The following CDV3 variants were observed in gnomAD, a reference collection of about 807,000 sequenced individuals.
CDV3 encodes the protein CDV3 homolog.
CDV3 carries 14 observed loss-of-function variants against 24.5 expected under a neutral mutation model. The ratio of observed to expected loss-of-function variants is 0.57; its 90% CI spans 0.38 to 0.89. The LOEUF (loss-of-function observed/expected upper bound fraction) is 0.89, where lower values mean the gene tolerates loss of function less well. Among genes scored for constraint, CDV3 ranks in the 40% least tolerant of loss-of-function variants. The probability of loss-of-function intolerance (pLI) is 0.00; values close to 1 mark genes in which losing one functional copy is unlikely to be tolerated. For missense variants in CDV3, 304 were observed against 310.2 expected, an observed-to-expected ratio of 0.98 and a Z score of 0.15; for synonymous variants, 114 against 114.1, an observed-to-expected ratio of 1.00 and a Z score of 0.00.
intron 2 of CDV3, among the ~76,000 whole-genome samples, chr3:133,582,887 A>G (rs1249080396): frequency 6.6e-6 from 1 of 152,262 alleles, no homozygotes; most frequent in African/African-American, 2.4e-5. Context: ...GTGCTTTAAT[A>G]TCCCTGTTGT....
intron 2 of CDV3, among the ~76,000 whole-genome samples, chr3:133,577,454 G>A (rs949473002): frequency 1.3e-5 from 2 of 151,520 alleles, no homozygotes; most frequent in African/African-American, 4.8e-5. Flanking sequence ...TCAGCCTCCC[G>A]GGTTCAAGCG....
At chr3:133,576,841 C>CTTTTTTTTTTTGTTTTTTTTTTTTTTT (rs2074828643) in intron 2 of CDV3, among the ~76,000 whole-genome samples, 1 of 62,388 alleles carries the variant, frequency 1.6e-5, no homozygotes. Context: ...GGTAGACTAG[C>CTTTTTTTTTTTGTTTTTTTTTTTTTTT]TTTTTTTTTT....
At position 133,573,870 on chromosome 3, in the gene CDV3, C is replaced by T. The variant is rs963993664; in HGVS notation, c.-175C>T. 1.0e-5 allele frequency: 3 copies of T among 297,522 alleles called. No homozygotes were observed. The highest frequency in any genetic ancestry group is 1.5e-5 in the Non-Finnish European group (3 of 201,316). The allele number at this position is 297,522 out of a possible 1,614,324, so 18.4% of individuals were successfully genotyped here. On this transcript the variant is annotated 5_prime_UTR_variant, in exon 1 of 5. Coordinates refer to ENST00000264993, the MANE Select transcript of CDV3 (RefSeq NM_017548.5). ...CCCGGGCGGACCGTACCACCGCTCG[C>T]CAGCACGCAGGGGGAGCCGCCCGTC...
In CDV3 at chr3:133,589,043, C is replaced by T. The variant is rs954567385; in HGVS notation, c.*997C>T. The T allele has an allele frequency of 6.5e-6, 1 of 152,692 alleles. No homozygotes were observed. Among genetic ancestry groups the T allele is most frequent in the Admixed American group, 6.5e-5 (1 of 15,294 alleles). The allele number at this position is 152,692 out of a possible 1,614,324, so 9.5% of individuals were successfully genotyped here. ...GATTCTGGAGGCTCTACTTCAGGTG[C>T]TGCTATAATGCCTCATCTAATCAGG... On this transcript the variant is annotated 3_prime_UTR_variant, in exon 5 of 5. Coordinates refer to ENST00000264993, the MANE Select transcript of CDV3 (RefSeq NM_017548.5).
At position 133,589,678 on chromosome 3, in the gene CDV3, A is replaced by G. The variant is rs539846120; in HGVS notation, c.*1632A>G. 16 of 152,762 alleles carry G rather than the reference A, an allele frequency of 1.0e-4. No homozygotes were observed. The highest frequency in any genetic ancestry group is 2.6e-4 in the African/African-American group (11 of 41,566). The allele number at this position is 152,762 out of a possible 1,614,324, so 9.5% of individuals were successfully genotyped here. A position where few individuals can be genotyped will look rare whatever the true frequency, so the allele number is the denominator to read the frequency against. On this transcript the variant is annotated 3_prime_UTR_variant, in exon 5 of 5. Coordinates refer to ENST00000264993, the MANE Select transcript of CDV3 (RefSeq NM_017548.5). ...TGGGAGCGTTTTCAGATAGGAGTTT[A>G]GTCTTGACGAAAGTGTCCGTGCAGG...
intron 2 of CDV3, among the ~76,000 whole-genome samples, chr3:133,579,999 C>T (rs938790168): frequency 1.3e-5 from 2 of 152,132 alleles, no homozygotes; most frequent in Admixed American, 6.6e-5. Context: ...ACTTTAAGTT[C>T]TAGGGTACAT....
At chr3:133,576,553 C>A (rs1453675975) in intron 2 of CDV3, among the ~76,000 whole-genome samples, 1 of 28,302 alleles carries the variant, frequency 3.5e-5, no homozygotes, top group Non-Finnish European at 7.0e-5. Flanking sequence ...TTGAACTTGG[C>A]AAAATAGCAC....
At chr3:133,583,354 GCTTAC>G (rs1933252703) in intron 2 of CDV3, among the ~76,000 whole-genome samples, 2 of 152,142 alleles carry the variant, frequency 1.3e-5, no homozygotes, top group Admixed American at 6.6e-5. Context: ...CTAAAAATAT[GCTTAC>G]CTTAAATGCC....
At position 133,589,885 on chromosome 3, in the gene CDV3, G is replaced by T. The variant is rs1271128935; in HGVS notation, c.*1839G>T. On this transcript the variant is annotated 3_prime_UTR_variant, in exon 5 of 5. Transcript: ENST00000264993. The stretch of plus-strand genomic sequence containing the variant: ...GAAATGGGATTCTTGGTAAACTGAA[G>T]ACTTTTATTTGGGAATGAAAAACCT... 6 of 152,158 alleles carry T rather than the reference G, an allele frequency of 3.9e-5. No individual in the cohort carries two copies. Among genetic ancestry groups the T allele is most frequent in the African/African-American group, 1.4e-4 (6 of 41,440 alleles). The allele number at this position is 152,158 out of a possible 1,614,324, so 9.4% of individuals were successfully genotyped here. A position where few individuals can be genotyped will look rare whatever the true frequency, so the allele number is the denominator to read the frequency against.
At chr3:133,583,772 G>A (rs1933306481) in intron 2 of CDV3, among the ~76,000 whole-genome samples, 1 of 152,130 alleles carries the variant, frequency 6.6e-6, no homozygotes, top group Non-Finnish European at 1.5e-5. Context: ...ATGTTGCCCA[G>A]CCTGGTCTTG....
chr3:133,587,287 T>C, intron 4 of CDV3: 1 of 1,269,240 alleles, frequency 7.9e-7, no homozygotes, highest in South Asian at 3.3e-5. Context: ...CAGATGGAAA[T>C]GTGTTTTTTG....
At position 133,574,327 on chromosome 3, in the gene CDV3, C is replaced by G. The variant is rs371742216; in HGVS notation, c.240+43C>G. The stretch of plus-strand genomic sequence containing the variant: ...CGGCACTCGGGGCCCGGGCCGCGCG[C>G]CGGCGCCCCATGTGCCCGCCCCCGC... On this transcript the variant is annotated intron_variant, in intron 1 of 4. Transcript: ENST00000264993. The G allele has an allele frequency of 6.1e-3, 5,710 of 929,856 alleles. 19 individuals carry two copies. Among genetic ancestry groups the G allele is most frequent in the Non-Finnish European group, 6.8e-3 (5,335 of 778,950 alleles). 57.6% of individuals were successfully genotyped at this position (929,856 alleles called of 1,614,324 possible). A position where few individuals can be genotyped will look rare whatever the true frequency, so the allele number is the denominator to read the frequency against.
Position 133,574,279 on chromosome 3 carries a change from A to G in CDV3, c.235A>G (p.Thr79Ala). 1.0e-6 allele frequency: 1 copy of G among 984,898 alleles called. No individual in the cohort carries two copies. The highest frequency in any genetic ancestry group is 1.2e-6 in the Non-Finnish European group (1 of 829,404). The allele number at this position is 984,898 out of a possible 1,614,324, so 61.0% of individuals were successfully genotyped here. The change falls in exon 1 of 5, where the codon ACG (threonine) becomes GCG (alanine). Residue 79 changes from threonine (T) to alanine (A), a missense_variant. By Grantham distance (58) the Thr-to-Ala change is moderately conservative (BLOSUM62 0). Around this residue, in one of 3 missense-constraint regions of CDV3, gnomAD observed 219 missense variants for 203.6 expected, o/e 1.08. Coordinates refer to ENST00000264993, the MANE Select transcript of CDV3 (RefSeq NM_017548.5). Reference sequence around the variant, plus strand: ...CCCAGGGGCCGCCACCAAGGCTGTGACGAAGGTGAGGGGCCGGGAGGCCGG... The same window carrying G: ...CCCAGGGGCCGCCACCAAGGCTGTGGCGAAGGTGAGGGGCCGGGAGGCCGG... ...AGPGAATKAV[T>A]KDEDEWKELE... is the part of the protein sequence containing the mutation.
intron 2 of CDV3, among the ~76,000 whole-genome samples, chr3:133,580,543 A>G (rs1559784492): frequency 6.6e-6 from 1 of 152,186 alleles, no homozygotes; most frequent in Admixed American, 6.5e-5. Context: ...TCTCTACTAA[A>G]TACAAAAAAT....
chr3:133,582,408 C>T (rs1426688380), intron 2 of CDV3, among the ~76,000 whole-genome samples: 2 of 152,204 alleles, frequency 1.3e-5, no homozygotes, highest in Non-Finnish European at 2.9e-5. Flanking sequence ...TGCCTCAGCT[C>T]CCAAAGTGCT....
rs1005666398 is a variant in CDV3, at chr3:133,586,779, T to C, written c.626+57T>C. 7.2e-6 allele frequency: 8 copies of C among 1,105,560 alleles called. No homozygotes were observed. In the East Asian group the frequency reaches 9.5e-5, roughly 13 times the overall value. 68.5% of individuals were successfully genotyped at this position (1,105,560 alleles called of 1,614,324 possible). A position where few individuals can be genotyped will look rare whatever the true frequency, so the allele number is the denominator to read the frequency against. The stretch of plus-strand genomic sequence containing the variant: ...GGACTTCTGTTCCTAGGCCAGGGAG[T>C]GGGATATAGGGGATGTGCATACCCA... On this transcript the variant is annotated intron_variant, in intron 4 of 4. Transcript: ENST00000264993.
In CDV3 at chr3:133,588,407, C is replaced by T; in HGVS notation, c.*361C>T. 6.6e-7 allele frequency: 1 copy of T among 1,520,196 alleles called. No homozygotes were observed. The highest frequency in any genetic ancestry group is 8.8e-7 in the Non-Finnish European group (1 of 1,132,548). The allele number at this position is 1,520,196 out of a possible 1,614,324, so 94.2% of individuals were successfully genotyped here. ...TCAGATTTGCTGCACTCATTGTGGA[C>T]TTCATGTGGATCACAACTTCTGGAT... is the stretch of plus-strand genomic sequence containing the variant. On this transcript the variant is annotated 3_prime_UTR_variant, in exon 5 of 5. Transcript: ENST00000264993.
At position 133,574,098 on chromosome 3, in the gene CDV3, G is replaced by A. The variant is rs764449437; in HGVS notation, c.54G>A (p.Lys18=). The change falls in exon 1 of 5, where the codon AAG becomes AAA. Residue 18 remains lysine (K), a synonymous_variant. Transcript: ENST00000264993. The part of the protein sequence containing the change: ...SLDNFFAKRD[K]KKKKERSNRA... ...ACAACTTCTTTGCCAAGAGGGACAA[G>A]AAGAAGAAGAAGGAGCGGAGCAACC... is the stretch of plus-strand genomic sequence containing the variant. The A allele has an allele frequency of 1.8e-6, 2 of 1,132,650 alleles. No individual in the cohort carries two copies. The highest frequency in any genetic ancestry group is 7.0e-5 in the East Asian group (1 of 14,230). 70.2% of individuals were successfully genotyped at this position (1,132,650 alleles called of 1,614,324 possible).
rs538870483 is a variant in CDV3 at position 133,590,074 on chromosome 3, T to G, written c.*2028T>G. 2 of 152,308 alleles carry G rather than the reference T, an allele frequency of 1.3e-5. No homozygotes were observed. Among genetic ancestry groups the G allele is most frequent in the Admixed American group, 1.3e-4 (2 of 15,302 alleles). 9.4% of individuals were successfully genotyped at this position (152,308 alleles called of 1,614,324 possible). ...CTGAAGACCTGCAGCAGATTTAAAT[T>G]ACAACTCTTGTTATAACTTTTTAAA... On this transcript the variant is annotated 3_prime_UTR_variant, in exon 5 of 5. Transcript: ENST00000264993.
Sources: allele counts gnomAD v4.1 joint callset (sites outside exome capture counted in the v4.1 genomes callset), GRCh38; gene constraint gnomAD v4.1.1; regional missense constraint gnomAD v4.1.1; transcripts MANE v1.5; gene names NCBI Gene and HGNC (gene_info 2026-07-23, HGNC 2026-07-21).